Variants in RARRES2 observed in about 807,000 individuals in gnomAD.
RARRES2 encodes the protein retinoic acid receptor responder protein 2.
A neutral mutation model predicts 17.9 loss-of-function variants in RARRES2; 12 were observed. The observed-to-expected ratio is 0.67, with a 90% confidence interval of 0.43 to 1.08. The LOEUF (loss-of-function observed/expected upper bound fraction) is 1.08. Ranked by LOEUF, RARRES2 falls within the 50% of genes least tolerant of loss-of-function variation. The pLI, the probability that RARRES2 is intolerant of heterozygous loss-of-function variation, is 0.00. For missense variants in RARRES2, 220 were observed against 210.1 expected, an observed-to-expected ratio of 1.05 and a Z score of -0.29; for synonymous variants, 82 against 86.8, an observed-to-expected ratio of 0.94 and a Z score of 0.31.
intron 4 of RARRES2, 110 bp downstream of exon 4, chr7:150,338,876 T>A: frequency 6.5e-7 from 1 of 1,542,700 alleles, no homozygotes; most frequent in Non-Finnish European, 8.9e-7. Context: ...TAGCCCCCAC[T>A]GCCCTCCCTC....
At chr7:150,338,484 C>T (rs1343543091) in intron 5 of RARRES2, 45 bp from the exon 6 acceptor site, 3 of 1,521,438 alleles carry the variant, frequency 2.0e-6, no homozygotes, top group Non-Finnish European at 2.6e-6. Context: ...GAGGTTGCTT[C>T]AGCCCCAGTC....
In RARRES2 at chr7:150,339,159, G is replaced by A. The variant is rs553561665; in HGVS notation, c.280-78C>T. 2.2e-4 allele frequency: 302 copies of A among 1,361,910 alleles called. 3 individuals are homozygous for A. In the South Asian group the frequency reaches 2.9e-3, roughly 13 times the overall value. The allele number at this position is 1,361,910 out of a possible 1,614,324, so 84.4% of individuals were successfully genotyped here. On this transcript the variant is annotated intron_variant, in intron 3 of 5. Coordinates refer to ENST00000223271, the MANE Select transcript of RARRES2 (RefSeq NM_002889.4). ...CTGGGCATCATGAGGGTGGGAGCCAGGGCTGCCCATCATGGGACCAGATCC... is the reference window on the plus strand; with the variant it reads ...CTGGGCATCATGAGGGTGGGAGCCAAGGCTGCCCATCATGGGACCAGATCC...
Position 150,340,090 on chromosome 7 carries a change from C to G in RARRES2, c.279+10G>C, listed in dbSNP as rs141728712. 33 of 1,611,694 alleles carry G rather than the reference C, an allele frequency of 2.0e-5. No homozygotes were observed. In the Admixed American group the frequency reaches 5.5e-4, roughly 27 times the overall value. Reference sequence around the variant, plus strand: ...GCATGCGCCCATTGCTCTCACACCCCTTCACTCACCCCATTGGGCCTGACT... The same window carrying G: ...GCATGCGCCCATTGCTCTCACACCCGTTCACTCACCCCATTGGGCCTGACT... On this transcript the variant is annotated intron_variant, in intron 3 of 5. Transcript: ENST00000223271.
At chr7:150,340,365 C>T (rs1798452882) in intron 2 of RARRES2, 71 bp downstream of exon 2, 1 of 1,551,048 alleles carries the variant, frequency 6.4e-7, no homozygotes, top group Non-Finnish European at 8.7e-7. Flanking sequence ...CACTTCTGTC[C>T]CCCTTCGTGG....
rs762690945 is a variant in RARRES2, at chr7:150,338,412, G to A, written c.*38C>T. 3.1e-4 allele frequency: 467 copies of A among 1,513,566 alleles called. No individual in the cohort carries two copies. Among genetic ancestry groups the A allele is most frequent in the Non-Finnish European group, 4.0e-4 (450 of 1,133,090 alleles). 93.8% of individuals were successfully genotyped at this position (1,513,566 alleles called of 1,614,324 possible). A position where few individuals can be genotyped will look rare whatever the true frequency, so the allele number is the denominator to read the frequency against. On this transcript the variant is annotated 3_prime_UTR_variant, in exon 6 of 6. Coordinates refer to ENST00000223271, the MANE Select transcript of RARRES2 (RefSeq NM_002889.4). Reference sequence around the variant, plus strand: ...TGGGGTCTTCCACTGGTTACCACCCGCAGCGGTCCTGGAGGCACCACGCAT... The same window carrying A: ...TGGGGTCTTCCACTGGTTACCACCCACAGCGGTCCTGGAGGCACCACGCAT...
chr7:150,340,084 A>T lies in RARRES2; in HGVS notation c.279+16T>A. 1 of 1,608,222 alleles carries T rather than the reference A, an allele frequency of 6.2e-7. No individual in the cohort carries two copies. The highest frequency in any genetic ancestry group is 8.5e-7 in the Non-Finnish European group (1 of 1,174,926). On this transcript the variant is annotated intron_variant, in intron 3 of 5. Coordinates refer to ENST00000223271, the MANE Select transcript of RARRES2 (RefSeq NM_002889.4). ...CACCCAGCATGCGCCCATTGCTCTC[A>T]CACCCCTTCACTCACCCCATTGGGC...
Position 150,340,571 on chromosome 7 carries a change from A to T in RARRES2, c.39T>A (p.Gly13=), listed in dbSNP as rs1047207. The part of the protein sequence containing the change: ...RLLIPLALWL[G]AVGVGVAELT... ...GCTCGGCGACGCCCACGCCCACCGC[A>T]CCCAGCCACAGGGCCAGAGGGATCA... Residue 13 remains glycine, a synonymous_variant, in exon 2 of 6, where the codon GGT becomes GGA. Transcript: ENST00000223271. 6.4e-7 allele frequency: 1 copy of T among 1,560,682 alleles called. No homozygotes were observed. Among genetic ancestry groups the T allele is most frequent in the Non-Finnish European group, 8.7e-7 (1 of 1,154,054 alleles).
intron 1 of RARRES2, 195 bp from the exon 2 acceptor site, chr7:150,340,824 C>G (rs1798469410): frequency 1.9e-6 from 1 of 525,668 alleles, no homozygotes; most frequent in South Asian, 3.0e-5. Flanking sequence ...CCGTTCCCTC[C>G]CACCCTGCCC....
Position 150,339,009 on chromosome 7 carries a change from G to A in RARRES2, c.352C>T (p.Pro118Ser), listed in dbSNP as rs1417034846. 1.9e-6 allele frequency: 3 copies of A among 1,611,582 alleles called. No homozygotes were observed. The highest frequency in any genetic ancestry group is 3.3e-4 in the Middle Eastern group (2 of 6,062). ...ACCCGCAGAACTTGGGTCTCTATGG[G>A]GCAGTGGACCAACCGGCCCAGAACT... ...DKVLGRLVHC[P>S]IETQVLREAE... Residue 118 changes from proline (P) to serine (S), a missense_variant, in exon 4 of 6, where the codon CCC becomes TCC. Transcript: ENST00000223271.
In RARRES2 at chr7:150,338,884, C is replaced by T. The variant is rs1416940042; in HGVS notation, c.375+102G>A. The T allele has an allele frequency of 4.5e-6, 7 of 1,545,010 alleles. No individual in the cohort carries two copies. In the East Asian group the frequency reaches 1.6e-4, roughly 35 times the overall value. On this transcript the variant is annotated intron_variant, in intron 4 of 5. Transcript: ENST00000223271. ...CGCTTTCTAGCCCCCACTGCCCTCCCTCCTGCTTGGCCAAGCTTTAGCCTC... is the reference window on the plus strand; with the variant it reads ...CGCTTTCTAGCCCCCACTGCCCTCCTTCCTGCTTGGCCAAGCTTTAGCCTC...
rs1804764 is a variant in RARRES2, at chr7:150,338,988, G to A, written c.373C>T (p.Arg125Trp). ...VHCPIETQVLREAEEHQETQC... is the reference protein window; with the variant it reads ...VHCPIETQVLWEAEEHQETQC... ...TGTGCACCCTTGCCCCTTCTTACCC[G>A]CAGAACTTGGGTCTCTATGGGGCAG... The change falls in exon 4 of 6, where the codon CGG becomes TGG. Residue 125 changes from arginine (R) to tryptophan (W), a missense_variant and splice_region_variant. Transcript: ENST00000223271. The A allele has an allele frequency of 5.1e-5, 81 of 1,602,550 alleles. No individual in the cohort carries two copies. The highest frequency in any genetic ancestry group is 2.2e-4 in the Admixed American group (13 of 59,992).
Position 150,340,425 on chromosome 7 carries a change from A to G in RARRES2, c.174+11T>C, listed in dbSNP as rs1371592085. 1.9e-6 allele frequency: 3 copies of G among 1,590,760 alleles called. No individual in the cohort carries two copies. In the African/African-American group the frequency reaches 4.0e-5, roughly 21 times the overall value. On this transcript the variant is annotated intron_variant, in intron 2 of 5. Coordinates refer to ENST00000223271, the MANE Select transcript of RARRES2 (RefSeq NM_002889.4). ...GACCCTCCCCGCTCCTGCCCGGGCC[A>G]TGCTACTCACCGTGTCCACGGCGCT...
chr7:150,341,024 A>C, intron 1 of RARRES2: 3 of 159,128 alleles, frequency 1.9e-5, no homozygotes, highest in Non-Finnish European at 4.1e-5. Context: ...CTTCTCCCCA[A>C]CCGCTACTCC....
rs755502658 is a variant in RARRES2, at chr7:150,340,162, G to C, written c.217C>G (p.Gln73Glu). ...TCCCTCTTCCGGCAGCTTGTCTGCT[G>C]CAGCTTAAATTCCAGCCTCACAAAT... ...GIFVRLEFKL[Q>E]QTSCRKRDWK... is the part of the protein sequence containing the mutation. The change falls in exon 3 of 6, where the codon CAG (glutamine) becomes GAG (glutamate). Residue 73 changes from glutamine (Q) to glutamate (E), a missense_variant. Transcript: ENST00000223271. 2 of 1,614,162 alleles carry C rather than the reference G, an allele frequency of 1.2e-6. No homozygotes were observed. Among genetic ancestry groups the C allele is most frequent in the South Asian group, 2.2e-5 (2 of 91,084 alleles).
rs762198113 is a variant in RARRES2 at position 150,340,542 on chromosome 7, G to A, written c.68C>T (p.Thr23Met). The A allele has an allele frequency of 2.5e-6, 4 of 1,579,144 alleles. No homozygotes were observed. Among genetic ancestry groups the A allele is most frequent in the Admixed American group, 1.8e-5 (1 of 54,830 alleles). Reference sequence around the variant, plus strand: ...CTGCAGGCCCCGGCGCTGGGCTTCCGTGAGCTCGGCGACGCCCACGCCCAC... The same window carrying A: ...CTGCAGGCCCCGGCGCTGGGCTTCCATGAGCTCGGCGACGCCCACGCCCAC... Reference protein sequence around the residue: ...GAVGVGVAELTEAQRRGLQVA... With the variant: ...GAVGVGVAELMEAQRRGLQVA... Residue 23 changes from threonine (T) to methionine (M), a missense_variant, in exon 2 of 6, where the codon ACG becomes ATG. By Grantham distance (81) the Thr-to-Met change is moderately conservative. Coordinates refer to ENST00000223271, the MANE Select transcript of RARRES2 (RefSeq NM_002889.4).
intron 3 of RARRES2, among the ~76,000 whole-genome samples, chr7:150,339,624 C>T (rs776583433): frequency 6.6e-6 from 1 of 152,160 alleles, no homozygotes; most frequent in Non-Finnish European, 1.5e-5. Flanking sequence ...TAATACAGAG[C>T]CCAGGCCGTG....
chr7:150,339,920 T>C (rs1237077050), intron 3 of RARRES2, among the ~76,000 whole-genome samples, 180 bp downstream of exon 3: 2 of 152,166 alleles, frequency 1.3e-5, no homozygotes, highest in African/African-American at 4.8e-5. Flanking sequence ...AACCTTGGGC[T>C]CAGGCTGAGC....
In RARRES2 at chr7:150,338,721, C is replaced by G. The variant is rs964750651; in HGVS notation, c.396G>C (p.Glu132Asp). The G allele has an allele frequency of 6.4e-7, 1 of 1,555,678 alleles. No individual in the cohort carries two copies. The highest frequency in any genetic ancestry group is 1.9e-5 in the Admixed American group (1 of 51,462). ...QVLREAEEHQETQCLRVQRAG... is the reference protein window; with the variant it reads ...QVLREAEEHQDTQCLRVQRAG... ...CCCGCTGCACCCTGAGGCACTGGGT[C>G]TCCTGGTGCTCCTCAGCCTCCTGCC... The change falls in exon 5 of 6, where the codon GAG (glutamate) becomes GAC (aspartate). Residue 132 changes from glutamate to aspartate, a missense_variant. By Grantham distance (45) the Glu-to-Asp change is conservative. Coordinates refer to ENST00000223271, the MANE Select transcript of RARRES2 (RefSeq NM_002889.4).
intron 3 of RARRES2, among the ~76,000 whole-genome samples, chr7:150,339,588 G>T (rs1419679690): frequency 6.6e-6 from 1 of 152,182 alleles, no homozygotes; most frequent in Non-Finnish European, 1.5e-5. Flanking sequence ...AGCCGACAGA[G>T]GGAACTGGGG....
Sources: allele counts gnomAD v4.1 joint callset (sites outside exome capture counted in the v4.1 genomes callset), GRCh38; gene constraint gnomAD v4.1.1; transcripts MANE v1.5; gene names NCBI Gene and HGNC (gene_info 2026-07-23, HGNC 2026-07-21).